KBTBD12: variants seen among roughly 807,000 people sequenced by gnomAD.
The protein encoded by KBTBD12 is kelch repeat and BTB domain-containing protein 12.
In KBTBD12, 53 loss-of-function variants were observed where a neutral mutation model predicts 58.7. The observed-to-expected ratio is 0.90, with a 90% CI of 0.72 to 1.14. The LOEUF (loss-of-function observed/expected upper bound fraction) is 1.14. KBTBD12 is among the 50% of genes most tolerant of loss of function. KBTBD12 has a pLI of 0.00. For synonymous variants in KBTBD12, 236 were observed against 259.8 expected (o/e 0.91, Z 0.88); for missense variants, 704 against 751.3 (o/e 0.94, Z 0.74).
At chr3:127,960,730 A>T (rs1940422758) in intron 4 of KBTBD12, among the ~76,000 whole-genome samples, 1 of 152,252 alleles carries the variant, frequency 6.6e-6, no homozygotes, top group South Asian at 2.1e-4. Context: ...TCAGGCATTA[A>T]TGGTCAGAAA....
intron 2 of KBTBD12, among the ~76,000 whole-genome samples, chr3:127,926,137 A>C (rs1350266842): frequency 6.6e-6 from 1 of 151,948 alleles, no homozygotes; most frequent in Non-Finnish European, 1.5e-5. Flanking sequence ...TTTCTTTTTT[A>C]TGTCATATCC....
chr3:127,932,837 CA>C (rs2107594667), intron 4 of KBTBD12, among the ~76,000 whole-genome samples: 1 of 152,242 alleles, frequency 6.6e-6, no homozygotes, highest in East Asian at 1.9e-4. Context: ...CCCTTTGTTA[CA>C]GAGACTTTGC....
chr3:127,968,944 C>T (rs112918232), intron 5 of KBTBD12, among the ~76,000 whole-genome samples: 2 of 152,060 alleles, frequency 1.3e-5, no homozygotes, highest in Non-Finnish European at 2.9e-5. Flanking sequence ...TTCCTCAGCC[C>T]GATAAAGGGT....
chr3:127,950,519 AT>A (rs989587796), intron 4 of KBTBD12, among the ~76,000 whole-genome samples: 2 of 152,060 alleles, frequency 1.3e-5, no homozygotes, highest in Non-Finnish European at 2.9e-5. Flanking sequence ...GAGATACTGA[AT>A]TTTTTTTATC....
chr3:127,957,955 G>T (rs1940351974), intron 4 of KBTBD12, among the ~76,000 whole-genome samples: 1 of 152,188 alleles, frequency 6.6e-6, no homozygotes, highest in African/African-American at 2.4e-5. Flanking sequence ...TTTGTGAGAG[G>T]TTGAAGGTGG....
chr3:127,976,496 T>A (rs1940785869), intron 5 of KBTBD12, among the ~76,000 whole-genome samples: 1 of 152,238 alleles, frequency 6.6e-6, no homozygotes. Flanking sequence ...AGGTTATACA[T>A]TCCCGGCTGG....
chr3:127,960,527 C>T (rs1940418345), intron 4 of KBTBD12, among the ~76,000 whole-genome samples: 1 of 152,194 alleles, frequency 6.6e-6, no homozygotes, highest in Non-Finnish European at 1.5e-5. Flanking sequence ...TACAGATGTA[C>T]TGATCCTACC....
intron 5 of KBTBD12, among the ~76,000 whole-genome samples, chr3:127,964,640 C>CAAAA (rs34230294): frequency 2.7e-5 from 3 of 111,118 alleles, no homozygotes; most frequent in Non-Finnish European, 5.7e-5. Context: ...GACTCCATCT[C>CAAAA]AAAAAAAAAA....
chr3:127,923,179 G>A lies in KBTBD12; in HGVS notation c.118G>A (p.Glu40Lys), dbSNP rs376674421. ...TGATGTGGTACTCACAGCAGAAGGA[G>A]AGAAATTTCCTTGCCACAGACTGGT... is the stretch of plus-strand genomic sequence containing the variant. The part of the protein sequence containing the change: ...MIDVVLTAEG[E>K]KFPCHRLVLA... Residue 40 changes from glutamate to lysine, a missense_variant, in exon 2 of 6, where the codon GAG (glutamate) becomes AAG (lysine). Coordinates refer to ENST00000405109, the MANE Select transcript of KBTBD12 (RefSeq NM_207335.4). 1 of 1,613,682 alleles carries A rather than the reference G, an allele frequency of 6.2e-7. No homozygotes were observed.
At chr3:127,977,210 C>T (rs1183484807) in intron 5 of KBTBD12, among the ~76,000 whole-genome samples, 1 of 152,182 alleles carries the variant, frequency 6.6e-6, no homozygotes, top group Non-Finnish European at 1.5e-5. Flanking sequence ...ATGGTGTCTA[C>T]CACAGTTTCT....
chr3:127,923,563 G>A lies in KBTBD12; in HGVS notation c.502G>A (p.Glu168Lys). The change falls in exon 2 of 6, where the codon GAA becomes AAA. Residue 168 changes from glutamate to lysine, a missense_variant. Coordinates refer to ENST00000405109, the MANE Select transcript of KBTBD12 (RefSeq NM_207335.4). ...QHFAEVSLHE[E>K]ILEIEVHQFL... ...CTTTGCCGAGGTGAGCTTACATGAA[G>A]AAATACTAGAAATCGAAGTGCACCA... The A allele has an allele frequency of 6.2e-7, 1 of 1,613,270 alleles. No homozygotes were observed. Among genetic ancestry groups the A allele is most frequent in the Non-Finnish European group, 8.5e-7 (1 of 1,179,670 alleles).
intron 4 of KBTBD12, among the ~76,000 whole-genome samples, chr3:127,931,657 G>A (rs1433437522): frequency 6.6e-6 from 1 of 152,132 alleles, no homozygotes; most frequent in Non-Finnish European, 1.5e-5. Context: ...TAAACTACAT[G>A]GGAAAGGCAC....
intron 5 of KBTBD12, among the ~76,000 whole-genome samples, chr3:127,971,762 C>T (rs1229231209): frequency 1.3e-5 from 2 of 152,170 alleles, no homozygotes; most frequent in African/African-American, 4.8e-5. Flanking sequence ...CAGGCTAAGT[C>T]CCTTCTGCCT....
chr3:127,977,621 A>G (rs1051219818), intron 5 of KBTBD12, among the ~76,000 whole-genome samples: 3 of 152,074 alleles, frequency 2.0e-5, no homozygotes, highest in Non-Finnish European at 4.4e-5. Flanking sequence ...GGCCGTGTGT[A>G]TGTCTTCTTT....
rs1940937137 is a variant in KBTBD12, at chr3:127,984,770, G to A, written c.*492G>A. 6.5e-6 allele frequency: 1 copy of A among 153,060 alleles called. No homozygotes were observed. Among genetic ancestry groups the A allele is most frequent in the Non-Finnish European group, 1.5e-5 (1 of 68,616 alleles). 9.5% of individuals were successfully genotyped at this position (153,060 alleles called of 1,614,324 possible). A position where few individuals can be genotyped will look rare whatever the true frequency, so the allele number is the denominator to read the frequency against. ...AGGGTTTGTGGTCAAGGCTGGAAAAGTAGGTTGTAGCTAGATGACCAACGC... is the reference window on the plus strand; with the variant it reads ...AGGGTTTGTGGTCAAGGCTGGAAAAATAGGTTGTAGCTAGATGACCAACGC... On this transcript the variant is annotated 3_prime_UTR_variant, in exon 6 of 6. Coordinates refer to ENST00000405109, the MANE Select transcript of KBTBD12 (RefSeq NM_207335.4).
intron 4 of KBTBD12, among the ~76,000 whole-genome samples, chr3:127,936,825 AC>A (rs1214135750): frequency 4.6e-5 from 7 of 152,184 alleles, no homozygotes; most frequent in Non-Finnish European, 1.0e-4. Flanking sequence ...ATCTCAGAGG[AC>A]TTCAAAGAAA....
chr3:127,953,723 C>T (rs959158808), intron 4 of KBTBD12, among the ~76,000 whole-genome samples: 5 of 152,172 alleles, frequency 3.3e-5, no homozygotes, highest in Admixed American at 6.5e-5. Context: ...GCATATTAGT[C>T]ATATACTGGA....
chr3:127,953,235 G>A (rs1940247734), intron 4 of KBTBD12, among the ~76,000 whole-genome samples: 1 of 152,146 alleles, frequency 6.6e-6, no homozygotes, highest in Admixed American at 6.5e-5. Context: ...ATAATGTTCA[G>A]CCCGTCATCT....
intron 4 of KBTBD12, among the ~76,000 whole-genome samples, chr3:127,959,166 A>G (rs914082488): frequency 6.6e-6 from 1 of 152,256 alleles, no homozygotes; most frequent in Non-Finnish European, 1.5e-5. Context: ...CATCACAAGC[A>G]TTATATTAGC....
Sources: allele counts gnomAD v4.1 joint callset (sites outside exome capture counted in the v4.1 genomes callset), GRCh38; gene constraint gnomAD v4.1.1; transcripts MANE v1.5; gene names NCBI Gene and HGNC (gene_info 2026-07-23, HGNC 2026-07-21).